RRM2: variants seen among roughly 807,000 people sequenced by gnomAD.
The protein encoded by RRM2 is ribonucleotide reductase regulatory subunit M2.
Under a neutral mutation model 45.9 loss-of-function variants are expected in RRM2, and 6 were observed. The observed-to-expected ratio is 0.13, with a 90% confidence interval of 0.07 to 0.26. The LOEUF (loss-of-function observed/expected upper bound fraction) is 0.26. Among genes scored for constraint, RRM2 ranks in the 10% least tolerant of loss-of-function variants. RRM2 has a pLI of 1.00. For synonymous variants in RRM2, 177 were observed against 173.0 expected (o/e 1.02, Z -0.18); for missense variants, 343 against 489.5 (o/e 0.70, Z 2.82).
chr2:10,194,394 C>G (rs1006108110), intron 3 of RRM2, among the ~76,000 whole-genome samples: 2 of 152,232 alleles, frequency 1.3e-5, no homozygotes, highest in Non-Finnish European at 2.9e-5. Context: ...CTCCTCCTGG[C>G]TCATCTGTGA....
At chr2:10,191,939 G>A (rs540729765) in intron 3 of RRM2, among the ~76,000 whole-genome samples, 16 of 152,266 alleles carry the variant, frequency 1.1e-4, no homozygotes, top group African/African-American at 3.9e-4. Flanking sequence ...GAATGAGTCC[G>A]TGACCCCTTG....
intron 3 of RRM2, among the ~76,000 whole-genome samples, chr2:10,165,784 T>C (rs2125320495): frequency 6.6e-6 from 1 of 152,330 alleles, no homozygotes; most frequent in South Asian, 2.1e-4. Context: ...AGAGCTGTGC[T>C]GGAAAAGCTG....
chr2:10,134,663 A>G (rs1039477507), downstream of RRM2, among the ~76,000 whole-genome samples: 1 of 152,234 alleles, frequency 6.6e-6, no homozygotes, highest in African/African-American at 2.4e-5. Flanking sequence ...GTGAAGAAAT[A>G]GATTTTCGGA....
chr2:10,137,406 G>A (rs1229776809), upstream of RRM2, among the ~76,000 whole-genome samples: 1 of 152,196 alleles, frequency 6.6e-6, no homozygotes, highest in African/African-American at 2.4e-5. Flanking sequence ...GCCTACACTC[G>A]TCCTGCCCTT....
At chr2:10,143,792 C>G (rs559304061) in intron 3 of RRM2, among the ~76,000 whole-genome samples, 3 of 152,150 alleles carry the variant, frequency 2.0e-5, no homozygotes, top group Non-Finnish European at 4.4e-5. Flanking sequence ...CTCAGCCTCT[C>G]GAGTAGCTGG....
At chr2:10,197,420 G>C (rs972533839) in intron 3 of RRM2, among the ~76,000 whole-genome samples, 1 of 152,202 alleles carries the variant, frequency 6.6e-6, no homozygotes, top group African/African-American at 2.4e-5. Context: ...CACAGGGGCT[G>C]CTCAAACTGC....
chr2:10,192,091 T>C (rs1664318676), intron 3 of RRM2, among the ~76,000 whole-genome samples: 1 of 146,262 alleles, frequency 6.8e-6, no homozygotes, highest in African/African-American at 2.6e-5. Context: ...GGGCGGGGGC[T>C]GGAGCTGCTC....
At chr2:10,173,817 C>T (rs545801800) in intron 3 of RRM2, among the ~76,000 whole-genome samples, 1 of 152,370 alleles carries the variant, frequency 6.6e-6, no homozygotes, top group African/African-American at 2.4e-5. Flanking sequence ...TTCCTGCCCT[C>T]TGGAGCCCTT....
chr2:10,125,611 G>A (rs1662762042), intron 5 of RRM2, among the ~76,000 whole-genome samples: 2 of 152,044 alleles, frequency 1.3e-5, no homozygotes, highest in Admixed American at 1.3e-4. Flanking sequence ...GGAGAATGGC[G>A]TGAACCCGGG....
Position 10,205,487 on chromosome 2 carries a change from G to A in RRM2, n.483-4824G>A, listed in dbSNP as rs1005841526. ...TTCCCTCTGCTGCTCGTGGACACTC[G>A]GAGGTGGGGGAAGGCTCTGTTCTTT... On this transcript the variant is annotated intron_variant and non_coding_transcript_variant, in intron 3 of 3. Coordinates refer to the RRM2 transcript ENST00000381786. This position sits in a 1 kb window ranked among gnomAD's most constrained non-coding sequence, Gnocchi z 4.8. 2.0e-5 allele frequency among the ~76,000 whole-genome samples: 3 copies of A among 152,110 alleles called. No individual in the cohort carries two copies. The highest frequency in any genetic ancestry group is 6.5e-5 in the Admixed American group (1 of 15,278).
chr2:10,139,564 T>G (rs1663044329), upstream of RRM2, among the ~76,000 whole-genome samples: 1 of 152,146 alleles, frequency 6.6e-6, no homozygotes, highest in Admixed American at 6.5e-5. Context: ...TGGGGGCGGA[T>G]GAGGGGACAG....
rs1662790609 is a variant in RRM2 at position 10,126,894 on chromosome 2, A to G, written c.589A>G (p.Ile197Val). 3.1e-6 allele frequency: 5 copies of G among 1,613,894 alleles called. No homozygotes were observed. The highest frequency in any genetic ancestry group is 3.3e-5 in the Admixed American group (2 of 59,946). ...PKEREFLFNA[I>V]ETMPCVKKKA... Reference sequence around the variant, plus strand: ...TACTAGGGAATTTCTCTTCAATGCCATTGAAACGATGCCTTGTGTCAAGAA... The same window carrying G: ...TACTAGGGAATTTCTCTTCAATGCCGTTGAAACGATGCCTTGTGTCAAGAA... Residue 197 changes from isoleucine to valine, a missense_variant, in exon 6 of 10, where the codon ATT becomes GTT. Coordinates refer to ENST00000304567, the MANE Select transcript of RRM2 (RefSeq NM_001034.4).
Position 10,204,507 on chromosome 2 carries a change from TTCTGTGGTCACTGG to T in RRM2, n.483-5803_483-5790del, listed in dbSNP as rs1245703973. ...AGCCCACCGGAGCAGCCTACCTGGC[TTCTGTGGTCACTGG>T]CTGTGACCCCGCCAGCCCTGCTCAG... On this transcript the variant is annotated intron_variant and non_coding_transcript_variant, in intron 3 of 3. Transcript: ENST00000381786. This position sits in a 1 kb window ranked among gnomAD's most constrained non-coding sequence, Gnocchi z 4.0. Among the ~76,000 whole-genome samples, 2 of 152,218 alleles carry T rather than the reference TTCTGTGGTCACTGG, an allele frequency of 1.3e-5. No individual in the cohort carries two copies. Among genetic ancestry groups the T allele is most frequent in the African/African-American group, 4.8e-5 (2 of 41,466 alleles).
intron 3 of RRM2, among the ~76,000 whole-genome samples, chr2:10,187,562 G>A (rs1461292636): frequency 6.6e-6 from 1 of 152,206 alleles, no homozygotes; most frequent in Non-Finnish European, 1.5e-5. Flanking sequence ...TGTGTGTCCA[G>A]GTCTGTGTGG....
chr2:10,141,464 C>T (rs1663077428), exon 1 of RRM2: 2 of 252,800 alleles, frequency 7.9e-6, no homozygotes, highest in Non-Finnish European at 1.6e-5. Context: ...AGACTGCCAG[C>T]CCTCGTGGGT....
rs756946380 is a variant in RRM2 at position 10,123,723 on chromosome 2, TTCC to T, written c.319-12_319-10del. ...CTTCCTTTTATGCTAAAATTGTGAC[TTCC>T]GAACCTCAGGTGGACCTCTCCAAGG... is the stretch of plus-strand genomic sequence containing the variant. On this transcript the variant is annotated splice_polypyrimidine_tract_variant and intron_variant, in intron 3 of 9. Coordinates refer to ENST00000304567, the MANE Select transcript of RRM2 (RefSeq NM_001034.4). 57 of 1,540,746 alleles carry T rather than the reference TTCC, an allele frequency of 3.7e-5. No homozygotes were observed. Among genetic ancestry groups the T allele is most frequent in the Non-Finnish European group, 4.1e-5 (46 of 1,115,274 alleles).
In RRM2 at chr2:10,126,121, T is replaced by G. The variant is rs191919155; in HGVS notation, c.570-754T>G. 7.3e-4 allele frequency among the ~76,000 whole-genome samples: 104 copies of G among 142,142 alleles called. 1 individual carries two copies. In the East Asian group the frequency reaches 0.02, roughly 27 times the overall value. 93.3% of individuals were successfully genotyped at this position (142,142 alleles called of 152,430 possible). A position where few individuals can be genotyped will look rare whatever the true frequency, so the allele number is the denominator to read the frequency against. ...TTACCGTGAGCTGTGATCATCTCGC[T>G]GCACTCTAGCCTGGGCAACAGAGTG... On this transcript the variant is annotated intron_variant, in intron 5 of 9. Coordinates refer to ENST00000304567, the MANE Select transcript of RRM2 (RefSeq NM_001034.4).
At chr2:10,123,296 A>G (rs1413062264) in intron 2 of RRM2, 91 bp from the exon 3 acceptor site, 3 of 1,467,918 alleles carry the variant, frequency 2.0e-6, no homozygotes, top group Non-Finnish European at 2.7e-6. Context: ...GCCCCGTGAA[A>G]TTGCCGCCAA....
chr2:10,135,013 C>T (rs140924751), downstream of RRM2, among the ~76,000 whole-genome samples: 4 of 152,288 alleles, frequency 2.6e-5, no homozygotes, highest in East Asian at 7.7e-4. Context: ...AATGTTTCAA[C>T]GTAAGCCAAA....
Sources: gnomAD v4.1 joint callset for allele counts (sites outside exome capture counted in the v4.1 genomes callset) on GRCh38, gnomAD v4.1.1 for gene constraint, Gnocchi (gnomAD v3.1) non-coding constraint, MANE v1.5 for transcripts, NCBI Gene and HGNC (gene_info 2026-07-23, HGNC 2026-07-21) for gene names.